Variants in PCLO observed in about 807,000 individuals in gnomAD.
PCLO encodes piccolo presynaptic cytomatrix protein, also known as protein piccolo.
A neutral mutation model predicts 427.5 loss-of-function variants in PCLO; 82 were observed. That is an observed-to-expected ratio of 0.19 (90% CI 0.16 to 0.23). The LOEUF is 0.23. Among genes scored for constraint, PCLO ranks in the 10% least tolerant of loss-of-function variants. The pLI, the probability that PCLO is intolerant of heterozygous loss-of-function variation, is 1.00. For synonymous variants in PCLO, 2,357 were observed against 2,155.4 expected (o/e 1.09, Z -2.59); for missense variants, 6,239 against 6,115.9 (o/e 1.02, Z -0.67).
intron 8 of PCLO, among the ~76,000 whole-genome samples, chr7:82,904,113 A>C (rs552053972): frequency 6.6e-6 from 1 of 152,086 alleles, no homozygotes; most frequent in African/African-American, 2.4e-5. Context: ...CTGTTTACTA[A>C]ATTATAAAAA....
chr7:82,787,162 ACT>A (rs1306042493), intron 22 of PCLO, among the ~76,000 whole-genome samples: 1 of 152,064 alleles, frequency 6.6e-6, no homozygotes, highest in Non-Finnish European at 1.5e-5. Context: ...GAATAACCAC[ACT>A]GTCTTCCACA....
At chr7:82,921,090 T>A (rs1794584776) in intron 6 of PCLO, among the ~76,000 whole-genome samples, 2 of 151,854 alleles carry the variant, frequency 1.3e-5, no homozygotes, top group Admixed American at 1.3e-4. Context: ...CACAAATAAC[T>A]AATAAATTAT....
At position 82,973,271 on chromosome 7, in the gene PCLO, T is replaced by C. The variant is rs142339962; in HGVS notation, c.3301-6784A>G. Among the ~76,000 whole-genome samples, 87 of 152,256 alleles carry C rather than the reference T, an allele frequency of 5.7e-4. No homozygotes were observed. In the East Asian group the frequency reaches 0.014, roughly 25 times the overall value. On this transcript the variant is annotated intron_variant, in intron 3 of 24. Transcript: ENST00000333891. ...AAATGTGTGTCAGGTCCTTTTATCA[T>C]TATATTCTTTTACCGAGGCTGTGCA...
chr7:82,874,153 C>T (rs145963715), intron 10 of PCLO, among the ~76,000 whole-genome samples: 3 of 150,590 alleles, frequency 2.0e-5, no homozygotes, highest in African/African-American at 4.9e-5. Context: ...TAATAAGTAT[C>T]CTACTTTTGA....
rs1794480012 is a variant in PCLO at position 82,916,841 on chromosome 7, T to C, written c.11145A>G (p.Gly3715=). The change falls in exon 7 of 25, where the codon GGA becomes GGG. Residue 3715 remains glycine, a synonymous_variant. Coordinates refer to ENST00000333891, the MANE Select transcript of PCLO (RefSeq NM_033026.6). ...TKGSQTMTSS[G]AQKKVKRTLP... ...GAGTTCTTTTAACTTTTTTCTGGGCTCCAGAGGATGTCATGGTTTGAGAAC... is the reference window on the plus strand; with the variant it reads ...GAGTTCTTTTAACTTTTTTCTGGGCCCCAGAGGATGTCATGGTTTGAGAAC... 3.1e-6 allele frequency: 5 copies of C among 1,613,216 alleles called. No homozygotes were observed. The highest frequency in any genetic ancestry group is 4.2e-6 in the Non-Finnish European group (5 of 1,179,400).
intron 3 of PCLO, among the ~76,000 whole-genome samples, chr7:83,001,752 T>C (rs554317839): frequency 1.3e-5 from 2 of 152,180 alleles, no homozygotes; most frequent in South Asian, 4.1e-4. Context: ...GCTGGATCCA[T>C]CTTTTCACTG....
rs1795283186 is a variant in PCLO at position 82,949,572 on chromosome 7, G to C, written c.11016C>G (p.Ala3672=). 6.2e-7 allele frequency: 1 copy of C among 1,613,716 alleles called. No homozygotes were observed. Among genetic ancestry groups the C allele is most frequent in the African/African-American group, 1.3e-5 (1 of 74,880 alleles). ...CAGACATAGAACGCTGCATCATCTT[G>C]GCTGTCTTAGGACTTGCTGGGGGAA... ...AKVPPASPKT[A]KMMQRSMSDP... Residue 3672 remains alanine, a synonymous_variant, in exon 6 of 25, where the codon GCC becomes GCG. Coordinates refer to ENST00000333891, the MANE Select transcript of PCLO (RefSeq NM_033026.6).
At chr7:82,938,512 C>A (rs1795007776) in intron 6 of PCLO, among the ~76,000 whole-genome samples, 1 of 151,798 alleles carries the variant, frequency 6.6e-6, no homozygotes, top group African/African-American at 2.4e-5. Context: ...TTTTTGTAGT[C>A]CCTATTTCAA....
At chr7:82,787,324 T>A (rs1791006248) in intron 22 of PCLO, among the ~76,000 whole-genome samples, 1 of 152,182 alleles carries the variant, frequency 6.6e-6, no homozygotes, top group Non-Finnish European at 1.5e-5. Context: ...GATTTACATT[T>A]CTCTAATGAC....
intron 22 of PCLO, among the ~76,000 whole-genome samples, chr7:82,766,347 G>A (rs1790531726): frequency 6.6e-6 from 1 of 151,968 alleles, no homozygotes; most frequent in African/African-American, 2.4e-5. Context: ...CCTCTGCTTG[G>A]TTGAGTGAAC....
In PCLO at chr7:83,154,897, G is replaced by T; in HGVS notation, c.1744C>A (p.Gln582Lys). The change falls in exon 2 of 25, where the codon CAA becomes AAA. Residue 582 changes from glutamine (Q) to lysine (K), a missense_variant. Physicochemically the swap from Gln to Lys is moderately conservative, Grantham distance 53. Around this residue, in one of 5 missense-constraint regions of PCLO, gnomAD observed 4,677 missense variants for 4,468.4 expected, o/e 1.05. Transcript: ENST00000333891. Reference protein sequence around the residue: ...VSPSAKQPPSQGLPKTICPLC... With the variant: ...VSPSAKQPPSKGLPKTICPLC... Reference sequence around the variant, plus strand: ...GGACAGATGGTTTTAGGGAGGCCTTGTGAAGGAGGCTGTTTTGCAGATGGA... The same window carrying T: ...GGACAGATGGTTTTAGGGAGGCCTTTTGAAGGAGGCTGTTTTGCAGATGGA... The T allele has an allele frequency of 6.2e-7, 1 of 1,614,050 alleles. No individual in the cohort carries two copies. Among genetic ancestry groups the T allele is most frequent in the Non-Finnish European group, 8.5e-7 (1 of 1,179,900 alleles).
Position 82,846,887 on chromosome 7 carries a change from C to T in PCLO, c.13763+252G>A, listed in dbSNP as rs192491003. Among the ~76,000 whole-genome samples the T allele has an allele frequency of 3.2e-3, 492 of 152,096 alleles. 1 individual carries two copies. Among genetic ancestry groups the T allele is most frequent in the African/African-American group, 0.011 (473 of 41,512 alleles). Reference sequence around the variant, plus strand: ...GTAAGTTCATTTTTAAATACATATCCATGAAATCTAAATGGGTTCAGGCTT... The same window carrying T: ...GTAAGTTCATTTTTAAATACATATCTATGAAATCTAAATGGGTTCAGGCTT... On this transcript the variant is annotated intron_variant, in intron 11 of 24. Transcript: ENST00000333891.
In PCLO at chr7:82,952,182, A is replaced by C; in HGVS notation, c.8771T>G (p.Ile2924Arg). The C allele has an allele frequency of 6.3e-7, 1 of 1,580,976 alleles. No individual in the cohort carries two copies. The highest frequency in any genetic ancestry group is 8.6e-7 in the Non-Finnish European group (1 of 1,160,806). ...TAAATCAACGGGTTTTTCATCTTCTATTATTTTGGTCATCACACTTGAAGT... is the reference window on the plus strand; with the variant it reads ...TAAATCAACGGGTTTTTCATCTTCTCTTATTTTGGTCATCACACTTGAAGT... ...ESTSSVMTKI[I>R]EDEKPVDLTA... The change falls in exon 5 of 25, where the codon ATA (isoleucine) becomes AGA (arginine). Residue 2924 changes from isoleucine (I) to arginine (R), a missense_variant. Physicochemically the swap from Ile to Arg is moderately conservative, Grantham distance 97. Transcript: ENST00000333891.
chr7:82,946,399 G>C (rs970218560), intron 6 of PCLO, among the ~76,000 whole-genome samples: 2 of 152,074 alleles, frequency 1.3e-5, no homozygotes, highest in Non-Finnish European at 2.9e-5. Flanking sequence ...TACTGGAGAA[G>C]AAAGATAATA....
chr7:83,124,408 A>G (rs1235715155), intron 3 of PCLO, among the ~76,000 whole-genome samples: 3 of 152,058 alleles, frequency 2.0e-5, no homozygotes, highest in Non-Finnish European at 1.5e-5. Context: ...CAGGCATATG[A>G]AAACCTGCTC....
chr7:82,908,996 C>A lies in PCLO; in HGVS notation c.13318G>T (p.Glu4440Ter). Residue 4440 changes from glutamate (E) to a stop codon, truncating the protein, a stop_gained, in exon 8 of 25, where the codon GAG becomes TAG. Transcript: ENST00000333891. LOFTEE classifies it high-confidence loss of function. ...GGTTTATCAAACCAATCTGTTTCCT[C>A]ACGACGCAGATGATAGGCTTTGGAC... ...SDSEAYHLRREETDWFDKPRE... is the reference protein window; with the variant it reads ...SDSEAYHLRR 6.2e-7 allele frequency: 1 copy of A among 1,612,684 alleles called. No individual in the cohort carries two copies. The highest frequency in any genetic ancestry group is 8.5e-7 in the Non-Finnish European group (1 of 1,179,144).
intron 22 of PCLO, among the ~76,000 whole-genome samples, chr7:82,792,778 T>C (rs1791132944): frequency 6.6e-6 from 1 of 152,212 alleles, no homozygotes; most frequent in African/African-American, 2.4e-5. Flanking sequence ...GTTCTTTACA[T>C]TCATATTTCT....
intron 22 of PCLO, among the ~76,000 whole-genome samples, chr7:82,786,750 C>A (rs1187153786): frequency 6.6e-6 from 1 of 151,980 alleles, no homozygotes; most frequent in African/African-American, 2.4e-5. Context: ...AGCTCCCCAC[C>A]CCCCAACAGG....
intron 13 of PCLO, 38 bp from the exon 14 acceptor site, chr7:82,841,547 C>A (rs369702856): frequency 1.7e-6 from 2 of 1,193,384 alleles, no homozygotes; most frequent in African/African-American, 3.0e-5. Flanking sequence ...TTAATAGATA[C>A]ATTTTTCACA....
Sources: allele counts gnomAD v4.1 joint callset (sites outside exome capture counted in the v4.1 genomes callset), GRCh38; gene constraint gnomAD v4.1.1; regional missense constraint gnomAD v4.1.1; transcripts MANE v1.5; gene names NCBI Gene and HGNC (gene_info 2026-07-23, HGNC 2026-07-21).